The following TBC1D9 variants were observed in gnomAD, a reference collection of about 807,000 sequenced individuals.
The protein encoded by TBC1D9 is TBC1 domain family member 9A.
In TBC1D9, 63 loss-of-function variants were observed where a neutral mutation model predicts 132.0. The observed-to-expected ratio is 0.48, with a 90% CI of 0.39 to 0.59. The LOEUF (loss-of-function observed/expected upper bound fraction) is 0.59, where lower values mean the gene tolerates loss of function less well. TBC1D9 is among the 20% of genes least tolerant of loss of function. TBC1D9 has a pLI of 0.00. For synonymous variants in TBC1D9, 610 were observed against 609.9 expected, an observed-to-expected ratio of 1.00 and a Z score of 0.00; for missense variants, 1,261 against 1,592.7, an observed-to-expected ratio of 0.79 and a Z score of 3.54.
chr4:140,697,896 G>A (rs1737999499), intron 2 of TBC1D9, among the ~76,000 whole-genome samples: 1 of 152,136 alleles, frequency 6.6e-6, no homozygotes, highest in Admixed American at 6.5e-5. Flanking sequence ...AGCCTGGAGG[G>A]CTGTAAGGAG....
chr4:140,661,153 A>T (rs963451513), intron 10 of TBC1D9, among the ~76,000 whole-genome samples: 5 of 152,232 alleles, frequency 3.3e-5, no homozygotes, highest in Middle Eastern at 6.8e-3. Flanking sequence ...TGACCTCGTG[A>T]TCCTCCGGCC....
intron 1 of TBC1D9, 134 bp downstream of exon 1, chr4:140,755,782 C>CGCATACAACG: frequency 7.6e-7 from 1 of 1,319,588 alleles, no homozygotes; most frequent in Non-Finnish European, 9.7e-7. Context: ...CTCGATGCCT[C>CGCATACAACG]GCATACAACG....
rs200090051 is a variant in TBC1D9, at chr4:140,687,343, CATATATATATATATATATAT to C, written c.242-901_242-882del. Among the ~76,000 whole-genome samples the C allele has an allele frequency of 8.0e-3, 302 of 37,894 alleles. 3 individuals carry two copies. The highest frequency in any genetic ancestry group is 0.013 in the African/African-American group (196 of 15,440). The allele number at this position is 37,894 out of a possible 152,430, so 24.9% of individuals were successfully genotyped here. A position where few individuals can be genotyped will look rare whatever the true frequency, so the allele number is the denominator to read the frequency against. ...TATATGTGTGTGTGTGTGTGTGTGT[CATATATATATATATATATAT>C]ATATATATATATATATATATATATA... On this transcript the variant is annotated intron_variant, in intron 2 of 20. Transcript: ENST00000442267.
At chr4:140,749,185 G>A (rs761692962) in intron 1 of TBC1D9, among the ~76,000 whole-genome samples, 1 of 151,798 alleles carries the variant, frequency 6.6e-6, no homozygotes, top group Non-Finnish European at 1.5e-5. Flanking sequence ...GGGCAACATA[G>A]TGAGACCCTG....
At chr4:140,711,487 C>T (rs2111048558) in intron 1 of TBC1D9, among the ~76,000 whole-genome samples, 1 of 152,334 alleles carries the variant, frequency 6.6e-6, no homozygotes, top group Admixed American at 6.5e-5. Flanking sequence ...GCAGAAGCCA[C>T]TCACTGTCCT....
intron 1 of TBC1D9, among the ~76,000 whole-genome samples, chr4:140,704,451 A>G (rs1399980853): frequency 2.1e-5 from 3 of 146,108 alleles, no homozygotes; most frequent in Non-Finnish European, 4.5e-5. Context: ...AAAAAAAAAA[A>G]GAAAAGGACA....
Position 140,659,639 on chromosome 4 carries a change from C to CCAGCTTTGTGTG in TBC1D9, c.1869_1870insCACACAAAGCTG (p.Leu623_Val624insHisThrLysLeu). 6.2e-7 allele frequency: 1 copy of CCAGCTTTGTGTG among 1,607,664 alleles called. No individual in the cohort carries two copies. The highest frequency in any genetic ancestry group is 8.5e-7 in the Non-Finnish European group (1 of 1,177,164). ...GGGAGCATGCGCTCACACAAAGCCA[C>CCAGCTTTGTGTG]AAGCAGCCAGAAAGCTTCCTCCTCT... On this transcript the variant is annotated inframe_insertion, in exon 11 of 21. Transcript: ENST00000442267.
chr4:140,666,560 G>C (rs1737448376), intron 9 of TBC1D9, among the ~76,000 whole-genome samples: 1 of 151,528 alleles, frequency 6.6e-6, no homozygotes, highest in Admixed American at 6.6e-5. Context: ...GGATGGTCTC[G>C]ATCTCCTGAC....
In TBC1D9 at chr4:140,657,767, T is replaced by C; in HGVS notation, c.1967A>G (p.Tyr656Cys). 1 of 1,613,984 alleles carries C rather than the reference T, an allele frequency of 6.2e-7. No homozygotes were observed. Among genetic ancestry groups the C allele is most frequent in the South Asian group, 1.1e-5 (1 of 91,070 alleles). ...QGVFEELARDYVPQLYDCMQD... is the reference protein window; with the variant it reads ...QGVFEELARDCVPQLYDCMQD... The stretch of plus-strand genomic sequence containing the variant: ...CATGCAGTCGTACAGCTGTGGGACG[T>C]AGTCTCGTGCTAGCTCCTCAAAGAC... The change falls in exon 12 of 21, where the codon TAC (tyrosine) becomes TGC (cysteine). Residue 656 changes from tyrosine to cysteine, a missense_variant. Tyr to Cys is a radical substitution (Grantham distance 194, BLOSUM62 -2). This residue lies in a region of TBC1D9 where 93 missense variants were observed against 169.2 expected (regional missense o/e 0.55). Coordinates refer to ENST00000442267, the MANE Select transcript of TBC1D9 (RefSeq NM_015130.3).
chr4:140,701,457 CT>C (rs747391603), intron 2 of TBC1D9, 46 bp downstream of exon 2: 6 of 1,466,690 alleles, frequency 4.1e-6, no homozygotes, highest in Non-Finnish European at 5.7e-6. Flanking sequence ...GTTGTTAACC[CT>C]AACGCTTCTT....
intron 11 of TBC1D9, among the ~76,000 whole-genome samples, chr4:140,658,107 ATTAG>A (rs1480265877): frequency 6.6e-6 from 1 of 152,240 alleles, no homozygotes; most frequent in African/African-American, 2.4e-5. Flanking sequence ...GTGACATACA[ATTAG>A]TTATTTTGTT....
In TBC1D9 at chr4:140,622,727, C is replaced by A. The variant is rs771520240; in HGVS notation, c.3269G>T (p.Gly1090Val). ...SGGSGPSCHQ[G>V]IPGVLFPKKG... The stretch of plus-strand genomic sequence containing the variant: ...CTTGGGGAAGAGCACGCCTGGGATG[C>A]CCTGGTGGCAGGACGGCCCACTGCC... Residue 1090 changes from glycine to valine, a missense_variant, in exon 21 of 21, where the codon GGC becomes GTC. Gly to Val is a moderately radical substitution (Grantham distance 109). Coordinates refer to ENST00000442267, the MANE Select transcript of TBC1D9 (RefSeq NM_015130.3). 2 of 1,609,368 alleles carry A rather than the reference C, an allele frequency of 1.2e-6. No individual in the cohort carries two copies. The highest frequency in any genetic ancestry group is 1.7e-5 in the Admixed American group (1 of 60,002).
chr4:140,721,790 C>A (rs1738426641), intron 1 of TBC1D9, among the ~76,000 whole-genome samples: 1 of 152,154 alleles, frequency 6.6e-6, no homozygotes. Context: ...ATAACAGGAT[C>A]ATTTTGACCC....
chr4:140,695,778 C>T (rs1737945633), intron 2 of TBC1D9, among the ~76,000 whole-genome samples: 1 of 152,132 alleles, frequency 6.6e-6, no homozygotes, highest in Non-Finnish European at 1.5e-5. Context: ...TCTGGAACAC[C>T]ATATCCAAAA....
chr4:140,643,509 C>G (rs1391303971), intron 13 of TBC1D9: 14 of 879,432 alleles, frequency 1.6e-5, no homozygotes, highest in Admixed American at 1.6e-4. Context: ...GGGCTCCAGT[C>G]TCGGGCACTC....
intron 1 of TBC1D9, among the ~76,000 whole-genome samples, chr4:140,745,585 A>G (rs746781529): frequency 6.6e-6 from 1 of 152,176 alleles, no homozygotes; most frequent in Non-Finnish European, 1.5e-5. Context: ...GGATTTTCTT[A>G]ATAACACTTG....
At chr4:140,717,080 G>T (rs927677571) in intron 1 of TBC1D9, among the ~76,000 whole-genome samples, 1 of 152,174 alleles carries the variant, frequency 6.6e-6, no homozygotes, top group South Asian at 2.1e-4. Context: ...TCACCTGCAA[G>T]AATTTATTTT....
At chr4:140,624,274 A>G (rs1736671320) in intron 19 of TBC1D9, 40 bp downstream of exon 19, 2 of 1,611,872 alleles carry the variant, frequency 1.2e-6, no homozygotes, top group Non-Finnish European at 1.7e-6. Flanking sequence ...CAAGTGTACA[A>G]CCAGCAAGAA....
chr4:140,701,381 G>T (rs1307105089), intron 2 of TBC1D9, 123 bp downstream of exon 2: 1 of 719,248 alleles, frequency 1.4e-6, no homozygotes, highest in African/African-American at 1.8e-5. Flanking sequence ...AATGGCTACG[G>T]TTAATTACCC....
Sources: gnomAD v4.1 joint callset for allele counts (sites outside exome capture counted in the v4.1 genomes callset) on GRCh38, gnomAD v4.1.1 for gene constraint, gnomAD v4.1.1 regional missense constraint, MANE v1.5 for transcripts, NCBI Gene and HGNC (gene_info 2026-07-23, HGNC 2026-07-21) for gene names.